The following KIF26B variants were observed in gnomAD, a reference collection of about 807,000 sequenced individuals.
KIF26B encodes kinesin-like protein KIF26B.
Under a neutral mutation model 151.2 loss-of-function variants are expected in KIF26B, and 63 were observed. The ratio of observed to expected loss-of-function variants is 0.42; its 90% CI spans 0.34 to 0.51. The LOEUF (loss-of-function observed/expected upper bound fraction) is 0.51, where lower values mean the gene tolerates loss of function less well. Among genes scored for constraint, KIF26B ranks in the 20% least tolerant of loss-of-function variants. The probability of loss-of-function intolerance (pLI) is 0.07; values close to 1 mark genes in which losing one functional copy is unlikely to be tolerated. For missense variants in KIF26B, 2,813 were observed against 2,913.6 expected (o/e 0.97, Z 0.79); for synonymous variants, 1,357 against 1,262.1 (o/e 1.08, Z -1.59).
intron 2 of KIF26B, among the ~76,000 whole-genome samples, chr1:245,236,244 C>T (rs941076823): frequency 5.3e-5 from 8 of 152,126 alleles, no homozygotes; most frequent in Admixed American, 1.3e-4. Flanking sequence ...GTTTTAATGA[C>T]CAAGGTGTAT....
chr1:245,394,190 C>T (rs1033162156), intron 3 of KIF26B, among the ~76,000 whole-genome samples: 2 of 152,180 alleles, frequency 1.3e-5, no homozygotes, highest in Admixed American at 6.5e-5. Flanking sequence ...CAGTTTCTTC[C>T]TCTCCCATTT....
intron 3 of KIF26B, among the ~76,000 whole-genome samples, chr1:245,384,668 G>T (rs977032624): frequency 6.6e-6 from 1 of 152,170 alleles, no homozygotes; most frequent in Non-Finnish European, 1.5e-5. Flanking sequence ...GAGGAATCAC[G>T]TATTTATGGA....
At chr1:245,507,099 C>G (rs973208823) in intron 4 of KIF26B, among the ~76,000 whole-genome samples, 5 of 152,194 alleles carry the variant, frequency 3.3e-5, no homozygotes, top group African/African-American at 1.2e-4. Flanking sequence ...GAACTGACAC[C>G]TCTAGAGATA....
chr1:245,267,109 A>G (rs987131310), intron 2 of KIF26B, among the ~76,000 whole-genome samples: 6 of 152,190 alleles, frequency 3.9e-5, no homozygotes, highest in Non-Finnish European at 5.9e-5. Flanking sequence ...CTCCTGCTAT[A>G]TGCATTTCAT....
rs996128234 is a variant in KIF26B at position 245,634,421 on chromosome 1, G to C, written c.2099-11700G>C. ...GTCTTGCTCCCAATCTTAGAGGGAA[G>C]GCATTTAGTCTTTTACCATTAAGTA... On this transcript the variant is annotated intron_variant, in intron 9 of 14. Coordinates refer to ENST00000407071, the MANE Select transcript of KIF26B (RefSeq NM_018012.4). Among the ~76,000 whole-genome samples, 5 of 152,150 alleles carry C rather than the reference G, an allele frequency of 3.3e-5. No individual in the cohort carries two copies. The South Asian group carries it at 8.3e-4, about 25-fold the overall frequency.
chr1:245,446,366 G>T (rs189767613), intron 4 of KIF26B, among the ~76,000 whole-genome samples: 1 of 152,306 alleles, frequency 6.6e-6, no homozygotes, highest in East Asian at 1.9e-4. Context: ...ACTGGGTTTG[G>T]CTGCTTCTAT....
intron 4 of KIF26B, among the ~76,000 whole-genome samples, chr1:245,444,402 G>A (rs982132453): frequency 6.6e-6 from 1 of 152,108 alleles, no homozygotes; most frequent in African/African-American, 2.4e-5. Context: ...AGGGGTCTGG[G>A]CTAAGCAGCA....
chr1:245,162,226 C>T (rs1405024403), intron 2 of KIF26B, among the ~76,000 whole-genome samples: 2 of 152,176 alleles, frequency 1.3e-5, no homozygotes, highest in Admixed American at 1.3e-4. Context: ...GACAAATTTC[C>T]TTTTTACCAC....
chr1:245,253,302 C>T (rs1670477492), intron 2 of KIF26B, among the ~76,000 whole-genome samples: 1 of 151,942 alleles, frequency 6.6e-6, no homozygotes, highest in Admixed American at 6.6e-5. Flanking sequence ...AGCTACTGGG[C>T]CCTGCCTCTT....
intron 3 of KIF26B, among the ~76,000 whole-genome samples, chr1:245,410,124 C>T (rs1191775335): frequency 2.0e-5 from 3 of 152,162 alleles, no homozygotes; most frequent in African/African-American, 7.2e-5. Context: ...TGGGGGCTTT[C>T]CCCTGCCCAT....
Position 245,581,468 on chromosome 1 carries a change from G to A in KIF26B, c.1351-21109G>A, listed in dbSNP as rs142011405. On this transcript the variant is annotated intron_variant, in intron 5 of 14. Transcript: ENST00000407071. ...TAGATAGATAGAGAAAGAAGCTTGCGTGTGTTTGTTTCAAAGAATGGGGTC... is the reference window on the plus strand; with the variant it reads ...TAGATAGATAGAGAAAGAAGCTTGCATGTGTTTGTTTCAAAGAATGGGGTC... Among the ~76,000 whole-genome samples, 580 of 152,320 alleles carry A rather than the reference G, an allele frequency of 3.8e-3. 10 individuals are homozygous for A. Among genetic ancestry groups the A allele is most frequent in the South Asian group, 0.025 (120 of 4,828 alleles).
At chr1:245,176,311 G>A (rs1489330327) in intron 2 of KIF26B, among the ~76,000 whole-genome samples, 2 of 152,130 alleles carry the variant, frequency 1.3e-5, no homozygotes, top group Non-Finnish European at 2.9e-5. Flanking sequence ...CCTTGAAGGC[G>A]CCTGGCCTTC....
chr1:245,495,408 G>A lies in KIF26B; in HGVS notation c.1167-45359G>A, dbSNP rs1660491975. The stretch of plus-strand genomic sequence containing the variant: ...TATAGGATACAAAGTGATGATTTTG[G>A]TATAGGTGTACAATGTGTACTGATC... On this transcript the variant is annotated intron_variant, in intron 4 of 14. Coordinates refer to ENST00000407071, the MANE Select transcript of KIF26B (RefSeq NM_018012.4). This position sits in a 1 kb window ranked among gnomAD's most constrained non-coding sequence, Gnocchi z 4.2. Among the ~76,000 whole-genome samples the A allele has an allele frequency of 6.6e-6, 1 of 152,154 alleles. No individual in the cohort carries two copies. Among genetic ancestry groups the A allele is most frequent in the Non-Finnish European group, 1.5e-5 (1 of 68,030 alleles).
chr1:245,464,490 G>C (rs1267585097), intron 4 of KIF26B, among the ~76,000 whole-genome samples: 1 of 146,582 alleles, frequency 6.8e-6, no homozygotes, highest in Non-Finnish European at 1.5e-5. Flanking sequence ...TGTGCCCGTG[G>C]GTGTGTGTGG....
chr1:245,418,754 G>A (rs1658385154), intron 3 of KIF26B, among the ~76,000 whole-genome samples: 1 of 152,120 alleles, frequency 6.6e-6, no homozygotes, highest in African/African-American at 2.4e-5. Context: ...CAAATACTTA[G>A]ACTCTGCCTG....
intron 4 of KIF26B, among the ~76,000 whole-genome samples, chr1:245,502,529 CAAAAAAAAAAAA>C (rs10596275): frequency 4.1e-5 from 4 of 96,758 alleles, no homozygotes; most frequent in African/African-American, 1.6e-4. Context: ...GATTCTGTCT[CAAAAAAAAAAAA>C]AAAAAAAAAG....
intron 12 of KIF26B, among the ~76,000 whole-genome samples, chr1:245,691,887 C>G (rs2044630298): frequency 6.6e-6 from 1 of 152,094 alleles, no homozygotes; most frequent in Non-Finnish European, 1.5e-5. Context: ...CAGCATTGGG[C>G]TTGTTCCACC....
chr1:245,283,188 A>G, intron 2 of KIF26B: 1 of 158,358 alleles, frequency 6.3e-6, no homozygotes, highest in Non-Finnish European at 1.4e-5. Flanking sequence ...AGAGCAACAC[A>G]GCCACTGACA....
chr1:245,378,451 G>A (rs1019662803), intron 3 of KIF26B, among the ~76,000 whole-genome samples: 1 of 152,096 alleles, frequency 6.6e-6, no homozygotes, highest in South Asian at 2.1e-4. Flanking sequence ...CTGCACAGGG[G>A]GTGAAACAGG....
Sources: gnomAD v4.1 joint callset for allele counts (sites outside exome capture counted in the v4.1 genomes callset) on GRCh38, gnomAD v4.1.1 for gene constraint, Gnocchi (gnomAD v3.1) non-coding constraint, MANE v1.5 for transcripts, NCBI Gene and HGNC (gene_info 2026-07-23, HGNC 2026-07-21) for gene names.